Variants in FRMD1 observed in about 807,000 individuals in gnomAD.
The protein encoded by FRMD1 is FERM domain containing 1, also known as FERM domain-containing protein 1.
A neutral mutation model predicts 54.9 loss-of-function variants in FRMD1; 51 were observed. That is an observed-to-expected ratio of 0.93 (90% CI 0.74 to 1.17). The LOEUF is 1.17. FRMD1 is among the 50% of genes most tolerant of loss of function. The probability of loss-of-function intolerance (pLI) is 0.00; values close to 1 mark genes in which losing one functional copy is unlikely to be tolerated. For missense variants in FRMD1, 729 were observed against 743.0 expected (o/e 0.98, Z 0.22); for synonymous variants, 324 against 306.4 (o/e 1.06, Z -0.60).
rs189465441 is a variant in FRMD1, at chr6:168,059,044, C to T, written c.1407+80G>A. On this transcript the variant is annotated intron_variant, in intron 10 of 10. Coordinates refer to ENST00000283309, the MANE Select transcript of FRMD1 (RefSeq NM_024919.6). The surrounding 1 kb of genome is among the most constrained non-coding windows in gnomAD (Gnocchi z 4.4). ...CCCTCTGATAGGCCTAGGAAGGTCCCCAGGGCCCCTGACAGGGGACCTAGG... is the reference window on the plus strand; with the variant it reads ...CCCTCTGATAGGCCTAGGAAGGTCCTCAGGGCCCCTGACAGGGGACCTAGG... 7,191 of 1,181,038 alleles carry T rather than the reference C, an allele frequency of 6.1e-3. 32 individuals carry two copies. Among genetic ancestry groups the T allele is most frequent in the Non-Finnish European group, 7.7e-3 (6,382 of 826,452 alleles). 73.2% of individuals were successfully genotyped at this position (1,181,038 alleles called of 1,614,324 possible).
Position 168,063,595 on chromosome 6 carries a change from C to T in FRMD1, c.804+6G>A, listed in dbSNP as rs1030110288. The T allele has an allele frequency of 9.3e-6, 15 of 1,606,712 alleles. No homozygotes were observed. The Admixed American group carries it at 1.2e-4, about 13-fold the overall frequency. ...CCAGCCCATCGCTGGCCGCCCTGGGCTCGACCTTGTGCAGCCTGAAGAAGT... is the reference window on the plus strand; with the variant it reads ...CCAGCCCATCGCTGGCCGCCCTGGGTTCGACCTTGTGCAGCCTGAAGAAGT... On this transcript the variant is annotated splice_donor_region_variant and intron_variant, in intron 6 of 10. Coordinates refer to ENST00000283309, the MANE Select transcript of FRMD1 (RefSeq NM_024919.6).
intron 9 of FRMD1, 24 bp downstream of exon 9, chr6:168,060,737 C>T: frequency 1.3e-6 from 2 of 1,594,060 alleles, no homozygotes; most frequent in Non-Finnish European, 8.6e-7. Flanking sequence ...GTCCCTGAGG[C>T]CTGGGCATCT....
rs986164742 is a variant in FRMD1 at position 168,075,748 on chromosome 6, C to T, written c.214-413G>A. Reference sequence around the variant, plus strand: ...AGCATCGGTGTCTCACATCATCCATCGCCCAACTGATGCGAGTGATCCCAA... The same window carrying T: ...AGCATCGGTGTCTCACATCATCCATTGCCCAACTGATGCGAGTGATCCCAA... On this transcript the variant is annotated intron_variant, in intron 1 of 10. Transcript: ENST00000283309. 47 of 1,548,992 alleles carry T rather than the reference C, an allele frequency of 3.0e-5. 1 individual carries two copies. Among genetic ancestry groups the T allele is most frequent in the Non-Finnish European group, 3.5e-5 (40 of 1,145,348 alleles).
At chr6:168,060,735 G>C (rs1274401894) in intron 9 of FRMD1, 26 bp downstream of exon 9, 1 of 1,593,320 alleles carries the variant, frequency 6.3e-7, no homozygotes. Context: ...CTGTCCCTGA[G>C]GCCTGGGCAT....
intron 10 of FRMD1, among the ~76,000 whole-genome samples, chr6:168,058,172 G>A (rs1799513583): frequency 6.7e-6 from 1 of 149,970 alleles, no homozygotes; most frequent in South Asian, 2.1e-4. Context: ...CCAGCCTCCG[G>A]TGCCCAGCCC....
chr6:168,075,235 C>T lies in FRMD1; in HGVS notation c.304+10G>A, dbSNP rs1378340571. The T allele has an allele frequency of 3.1e-6, 5 of 1,612,114 alleles. No individual in the cohort carries two copies. The highest frequency in any genetic ancestry group is 3.3e-5 in the Admixed American group (2 of 59,994). On this transcript the variant is annotated intron_variant, in intron 2 of 10. Transcript: ENST00000283309. The stretch of plus-strand genomic sequence containing the variant: ...GGCATTCCTGCAGGTGGGGACTGAG[C>T]GATGCTTACTTCTGACCACACAGAG...
In FRMD1 at chr6:168,076,449, AGTGAGCCGGTGG is replaced by A. The variant is rs529739586; in HGVS notation, c.214-1126_214-1115del. On this transcript the variant is annotated intron_variant, in intron 1 of 10. Coordinates refer to ENST00000283309, the MANE Select transcript of FRMD1 (RefSeq NM_024919.6). ...TCTCATAATCTTCCTGTGCTGTGAG[AGTGAGCCGGTGG>A]GAGGTGACTGAATCACGGGGGTGGT... Among the ~76,000 whole-genome samples, 51 of 152,288 alleles carry A rather than the reference AGTGAGCCGGTGG, an allele frequency of 3.3e-4. No individual in the cohort carries two copies. The South Asian group carries it at 0.01, about 30-fold the overall frequency.
chr6:168,091,379 T>C (rs1055578682), intron 1 of FRMD1, among the ~76,000 whole-genome samples: 3 of 152,222 alleles, frequency 2.0e-5, no homozygotes, highest in Non-Finnish European at 4.4e-5. Context: ...CCTTTCCACC[T>C]GTGTCACTGC....
chr6:168,090,170 C>A (rs565413745), intron 1 of FRMD1, among the ~76,000 whole-genome samples: 24 of 152,156 alleles, frequency 1.6e-4, no homozygotes, highest in African/African-American at 4.1e-4. Flanking sequence ...TCGTCTCCCT[C>A]CTGAATGTTG....
In FRMD1 at chr6:168,056,988, G is replaced by A. The variant is rs949500909; in HGVS notation, c.*109C>T. The A allele has an allele frequency of 2.6e-5, 33 of 1,279,346 alleles. No homozygotes were observed. The highest frequency in any genetic ancestry group is 1.3e-4 in the Admixed American group (4 of 30,628). The allele number at this position is 1,279,346 out of a possible 1,614,324, so 79.2% of individuals were successfully genotyped here. A position where few individuals can be genotyped will look rare whatever the true frequency, so the allele number is the denominator to read the frequency against. On this transcript the variant is annotated 3_prime_UTR_variant, in exon 11 of 11. Coordinates refer to ENST00000283309, the MANE Select transcript of FRMD1 (RefSeq NM_024919.6). ...TGAACCTGTGGAGCGTGCTGGCTGCGGAAGTGCAGGCAGCATCTGGCGGGC... is the reference window on the plus strand; with the variant it reads ...TGAACCTGTGGAGCGTGCTGGCTGCAGAAGTGCAGGCAGCATCTGGCGGGC...
intron 2 of FRMD1, among the ~76,000 whole-genome samples, chr6:168,070,477 T>C (rs960762696): frequency 6.6e-6 from 1 of 151,970 alleles, no homozygotes; most frequent in Non-Finnish European, 1.5e-5. Flanking sequence ...GTCTAGTCGG[T>C]TGGAGGACTA....
intron 2 of FRMD1, among the ~76,000 whole-genome samples, chr6:168,070,597 A>G (rs926175531): frequency 1.3e-5 from 2 of 152,164 alleles, no homozygotes; most frequent in Non-Finnish European, 2.9e-5. Flanking sequence ...TGCCCTGCAG[A>G]TTTGAGACTT....
chr6:168,057,328 C>T lies in FRMD1; in HGVS notation c.1419G>A (p.Met473Ile). 1.2e-6 allele frequency: 2 copies of T among 1,610,994 alleles called. No individual in the cohort carries two copies. The highest frequency in any genetic ancestry group is 1.7e-6 in the Non-Finnish European group (2 of 1,179,852). The stretch of plus-strand genomic sequence containing the variant: ...GCTGCTCCTCACTGACCCCGGCTGT[C>T]ATTTCCTGGATCTGCGGGGAGAGGC... The part of the protein sequence containing the change: ...SAEAVHQIQE[M>I]TAGVSEEQHS... Residue 473 changes from methionine (M) to isoleucine (I), a missense_variant, in exon 11 of 11, where the codon ATG becomes ATA. Coordinates refer to ENST00000283309, the MANE Select transcript of FRMD1 (RefSeq NM_024919.6).
At chr6:168,078,861 G>T in intron 1 of FRMD1, 21 bp downstream of exon 1, 2 of 1,486,980 alleles carry the variant, frequency 1.3e-6, no homozygotes, top group Non-Finnish European at 1.8e-6. Flanking sequence ...TACCCCCACG[G>T]CCACCCAGGG....
upstream of FRMD1, among the ~76,000 whole-genome samples, chr6:168,085,145 C>T (rs1339952256): frequency 6.6e-6 from 1 of 152,258 alleles, no homozygotes; most frequent in Middle Eastern, 3.2e-3. Context: ...AATAGAGTCC[C>T]TGAGCCAGGC....
chr6:168,065,895 G>A (rs954181236), intron 4 of FRMD1: 14 of 1,000,070 alleles, frequency 1.4e-5, no homozygotes, highest in African/African-American at 8.7e-5. Flanking sequence ...CCCTGTTCAC[G>A]CACCCCTGAA....
chr6:168,056,993 T>C lies in FRMD1; in HGVS notation c.*104A>G. The C allele has an allele frequency of 7.6e-7, 1 of 1,313,794 alleles. No homozygotes were observed. Among genetic ancestry groups the C allele is most frequent in the Non-Finnish European group, 1.0e-6 (1 of 1,000,120 alleles). 81.4% of individuals were successfully genotyped at this position (1,313,794 alleles called of 1,614,324 possible). A position where few individuals can be genotyped will look rare whatever the true frequency, so the allele number is the denominator to read the frequency against. ...CTGTGGAGCGTGCTGGCTGCGGAAG[T>C]GCAGGCAGCATCTGGCGGGCAGGAA... is the stretch of plus-strand genomic sequence containing the variant. On this transcript the variant is annotated 3_prime_UTR_variant, in exon 11 of 11. Coordinates refer to ENST00000283309, the MANE Select transcript of FRMD1 (RefSeq NM_024919.6).
At chr6:168,069,203 C>A (rs1472785204) in intron 2 of FRMD1, among the ~76,000 whole-genome samples, 1 of 152,216 alleles carries the variant, frequency 6.6e-6, no homozygotes, top group East Asian at 1.9e-4. Context: ...CCACCCCACC[C>A]CATAACAGGC....
chr6:168,056,360 C>A lies in FRMD1; in HGVS notation c.*737G>T, dbSNP rs943708033. 3 of 152,348 alleles carry A rather than the reference C, an allele frequency of 2.0e-5. No homozygotes were observed. Among genetic ancestry groups the A allele is most frequent in the African/African-American group, 7.2e-5 (3 of 41,468 alleles). The allele number at this position is 152,348 out of a possible 1,614,324, so 9.4% of individuals were successfully genotyped here. On this transcript the variant is annotated 3_prime_UTR_variant, in exon 11 of 11. Coordinates refer to ENST00000283309, the MANE Select transcript of FRMD1 (RefSeq NM_024919.6). The stretch of plus-strand genomic sequence containing the variant: ...CAGCCAGGGCAATGGCTTAAGGAAG[C>A]CACCTGTGAGCAGAGTGGGTCCTGA...
Sources: gnomAD v4.1 joint callset for allele counts (sites outside exome capture counted in the v4.1 genomes callset) on GRCh38, gnomAD v4.1.1 for gene constraint, Gnocchi (gnomAD v3.1) non-coding constraint, MANE v1.5 for transcripts, NCBI Gene and HGNC (gene_info 2026-07-23, HGNC 2026-07-21) for gene names.